The following PTPRD variants were observed in gnomAD, a reference collection of about 807,000 sequenced individuals.
PTPRD encodes the protein receptor-type tyrosine-protein phosphatase delta.
In PTPRD, 34 loss-of-function variants were observed where a neutral mutation model predicts 214.5. That is an observed-to-expected ratio of 0.16 (90% confidence interval 0.12 to 0.21). The LOEUF is 0.21. Among genes scored for constraint, PTPRD ranks in the 10% least tolerant of loss-of-function variants. The probability of loss-of-function intolerance (pLI) is 1.00; values close to 1 mark genes in which losing one functional copy is unlikely to be tolerated. For missense variants in PTPRD, 2,545 were observed against 2,398.7 expected (o/e 1.06, Z -1.27); for synonymous variants, 1,128 against 845.7 (o/e 1.33, Z -5.79).
intron 8 of PTPRD, among the ~76,000 whole-genome samples, chr9:9,524,020 G>A (rs184104492): frequency 9.2e-5 from 14 of 152,232 alleles, no homozygotes; most frequent in Admixed American, 3.3e-4. Context: ...GGACAAATTC[G>A]CCCAGGGCAG....
intron 2 of PTPRD, among the ~76,000 whole-genome samples, chr9:10,395,750 A>T (rs1267173829): frequency 2.0e-5 from 3 of 151,906 alleles, no homozygotes; most frequent in African/African-American, 4.8e-5. Flanking sequence ...ACACTTGTGC[A>T]TAGGAATCCT....
At chr9:8,684,872 T>C (rs554851407) in intron 12 of PTPRD, among the ~76,000 whole-genome samples, 1 of 152,304 alleles carries the variant, frequency 6.6e-6, no homozygotes, top group East Asian at 1.9e-4. Flanking sequence ...TCTGTGGGCA[T>C]ATGATTAATA....
chr9:8,521,581 C>G (rs1006630699), intron 19 of PTPRD, 35 bp from the exon 20 acceptor site: 6 of 1,598,168 alleles, frequency 3.8e-6, no homozygotes, highest in Non-Finnish European at 4.3e-6. Context: ...ATAACATATA[C>G]AAGGCAAGAA....
At chr9:9,599,418 A>G (rs1303659282) in intron 7 of PTPRD, among the ~76,000 whole-genome samples, 1 of 151,984 alleles carries the variant, frequency 6.6e-6, no homozygotes, top group East Asian at 1.9e-4. Context: ...AGCCTCAAGC[A>G]CTCAAGCCCT....
chr9:9,440,044 A>G (rs2086908707), intron 8 of PTPRD, among the ~76,000 whole-genome samples: 1 of 152,240 alleles, frequency 6.6e-6, no homozygotes, highest in African/African-American at 2.4e-5. Flanking sequence ...GTTGTCATGC[A>G]GTCTAGAAAC....
At chr9:10,308,834 A>G (rs866357907) in intron 3 of PTPRD, among the ~76,000 whole-genome samples, 5 of 152,042 alleles carry the variant, frequency 3.3e-5, no homozygotes, top group Non-Finnish European at 7.4e-5. Context: ...CTGCACAGAA[A>G]TATCAGAATT....
intron 8 of PTPRD, among the ~76,000 whole-genome samples, chr9:9,527,396 G>A (rs941374627): frequency 6.6e-6 from 1 of 152,150 alleles, no homozygotes; most frequent in Non-Finnish European, 1.5e-5. Flanking sequence ...GTGGGCACTT[G>A]TTGTGGCACC....
At chr9:9,169,664 T>C (rs2099910796) in intron 10 of PTPRD, among the ~76,000 whole-genome samples, 1 of 152,184 alleles carries the variant, frequency 6.6e-6, no homozygotes, top group South Asian at 2.1e-4. Flanking sequence ...AAGAGATTCT[T>C]CTGTATTTTG....
At chr9:9,711,990 A>G (rs1003418318) in intron 7 of PTPRD, among the ~76,000 whole-genome samples, 1 of 152,220 alleles carries the variant, frequency 6.6e-6, no homozygotes, top group Admixed American at 6.5e-5. Flanking sequence ...ATGAATGTAC[A>G]TAATTTTTCC....
chr9:8,563,555 GCCT>G (rs1489749074), intron 14 of PTPRD, among the ~76,000 whole-genome samples: 2 of 150,840 alleles, frequency 1.3e-5, no homozygotes, highest in African/African-American at 4.9e-5. Context: ...TCCTGCCTCA[GCCT>G]CCTGAGTAGT....
intron 2 of PTPRD, among the ~76,000 whole-genome samples, chr9:10,602,140 T>A (rs932428872): frequency 6.6e-6 from 1 of 151,834 alleles, no homozygotes; most frequent in Non-Finnish European, 1.5e-5. Context: ...CAATTTTGTA[T>A]ATGTGCTTTG....
chr9:9,988,306 G>C (rs1244421012), intron 4 of PTPRD, among the ~76,000 whole-genome samples: 1 of 151,982 alleles, frequency 6.6e-6, no homozygotes, highest in Non-Finnish European at 1.5e-5. Context: ...ATTTCTTCTT[G>C]TCTGTTATTT....
rs192118438 is a variant in PTPRD, at chr9:10,185,354, G to A, written c.-544-151564C>T. ...ATGATACTTTCCAATTTCGAATGAT[G>A]CATAAACTTCCATTACAATGAGAAA... On this transcript the variant is annotated intron_variant, in intron 3 of 45. Transcript: ENST00000381196. 7.3e-4 allele frequency among the ~76,000 whole-genome samples: 111 copies of A among 152,308 alleles called. 1 individual carries two copies. The highest frequency in any genetic ancestry group is 1.1e-3 in the Admixed American group (17 of 15,302).
At chr9:9,609,626 C>T (rs915682176) in intron 7 of PTPRD, among the ~76,000 whole-genome samples, 3 of 152,102 alleles carry the variant, frequency 2.0e-5, no homozygotes, top group Non-Finnish European at 4.4e-5. Context: ...CCACACCTGG[C>T]TAATTTTTGT....
chr9:10,559,977 C>G (rs1418202122), intron 2 of PTPRD, among the ~76,000 whole-genome samples: 1 of 152,108 alleles, frequency 6.6e-6, no homozygotes, highest in African/African-American at 2.4e-5. Flanking sequence ...TAAACTAGTT[C>G]AATCATTGTG....
At chr9:10,108,576 A>G (rs140234326) in intron 3 of PTPRD, among the ~76,000 whole-genome samples, 1 of 152,182 alleles carries the variant, frequency 6.6e-6, no homozygotes, top group East Asian at 1.9e-4. Flanking sequence ...AAAATCAAAA[A>G]ATCCAACTGC....
intron 3 of PTPRD, among the ~76,000 whole-genome samples, chr9:10,188,979 T>C (rs974531059): frequency 1.3e-5 from 2 of 152,182 alleles, no homozygotes; most frequent in African/African-American, 4.8e-5. Context: ...TGTGGCTAGG[T>C]AGTCTTACAT....
At chr9:9,405,627 G>T (rs1056648961) in intron 8 of PTPRD, among the ~76,000 whole-genome samples, 2 of 152,040 alleles carry the variant, frequency 1.3e-5, no homozygotes, top group African/African-American at 4.8e-5. Context: ...GTTCGGGTTT[G>T]TGCTCTGTTA....
intron 23 of PTPRD, among the ~76,000 whole-genome samples, chr9:8,502,784 A>C (rs1159268122): frequency 6.6e-6 from 1 of 151,730 alleles, no homozygotes; most frequent in Admixed American, 6.6e-5. Flanking sequence ...TACTTTAATA[A>C]AATAAGGAAT....
Sources: allele counts gnomAD v4.1 joint callset (sites outside exome capture counted in the v4.1 genomes callset), GRCh38; gene constraint gnomAD v4.1.1; transcripts MANE v1.5; gene names NCBI Gene and HGNC (gene_info 2026-07-23, HGNC 2026-07-21).